STXBP5L: variants seen among roughly 807,000 people sequenced by gnomAD.
STXBP5L encodes syntaxin binding protein 5L, also known as syntaxin-binding protein 5-like.
STXBP5L carries 65 observed loss-of-function variants against 144.5 expected under a neutral mutation model. That is an observed-to-expected ratio of 0.45 (90% CI 0.37 to 0.55). The LOEUF (loss-of-function observed/expected upper bound fraction) is 0.55, where lower values mean the gene tolerates loss of function less well. Among genes scored for constraint, STXBP5L ranks in the 20% least tolerant of loss-of-function variants. The pLI is 0.00. For synonymous variants in STXBP5L, 505 were observed against 469.6 expected (o/e 1.08, Z -0.97); for missense variants, 1,298 against 1,405.5 (o/e 0.92, Z 1.22).
chr3:121,163,618 G>T (rs2046398683), intron 9 of STXBP5L, among the ~76,000 whole-genome samples: 1 of 151,226 alleles, frequency 6.6e-6, no homozygotes, highest in African/African-American at 2.4e-5. Context: ...ATAATTACAG[G>T]GTTTTTAAAA....
At chr3:120,933,754 G>A (rs1710095018) in intron 2 of STXBP5L, among the ~76,000 whole-genome samples, 2 of 152,140 alleles carry the variant, frequency 1.3e-5, no homozygotes, top group Admixed American at 6.6e-5. Context: ...GCAGAGGAAA[G>A]AGTGATATGG....
At chr3:121,175,597 T>C (rs1185285875) in intron 9 of STXBP5L, among the ~76,000 whole-genome samples, 2 of 151,666 alleles carry the variant, frequency 1.3e-5, no homozygotes, top group Admixed American at 1.3e-4. Flanking sequence ...AAGTAAATAG[T>C]GGAGATGAAA....
chr3:121,262,339 T>C (rs916265597), intron 18 of STXBP5L, among the ~76,000 whole-genome samples: 3 of 152,182 alleles, frequency 2.0e-5, no homozygotes, highest in African/African-American at 7.2e-5. Flanking sequence ...CTCATCAAAA[T>C]ATCATCTGGG....
At chr3:121,015,162 A>G (rs767525792) in intron 3 of STXBP5L, among the ~76,000 whole-genome samples, 3 of 152,108 alleles carry the variant, frequency 2.0e-5, no homozygotes, top group Non-Finnish European at 4.4e-5. Context: ...TTTTTGGTAA[A>G]TATTGACAAG....
intron 20 of STXBP5L, among the ~76,000 whole-genome samples, chr3:121,349,410 G>C (rs1348788880): frequency 6.7e-5 from 10 of 148,936 alleles, no homozygotes; most frequent in Non-Finnish European, 1.5e-4. Flanking sequence ...GGTGTGGTGT[G>C]GTGCTGAGAA....
chr3:120,914,788 AT>A (rs1709024185), intron 2 of STXBP5L, among the ~76,000 whole-genome samples: 2 of 152,182 alleles, frequency 1.3e-5, no homozygotes, highest in South Asian at 4.1e-4. Context: ...ATCTTTAAGA[AT>A]GGTAATGGAG....
chr3:121,355,802 G>T (rs937302877), intron 20 of STXBP5L, among the ~76,000 whole-genome samples: 7 of 152,158 alleles, frequency 4.6e-5, no homozygotes, highest in Middle Eastern at 3.2e-3. Flanking sequence ...TTTCTGCTCT[G>T]GTTTCTCTTC....
intron 11 of STXBP5L, among the ~76,000 whole-genome samples, chr3:121,233,341 C>A (rs1319787116): frequency 2.0e-5 from 3 of 152,076 alleles, no homozygotes; most frequent in Admixed American, 6.6e-5. Context: ...TCACTGTCTT[C>A]ACATAATCCA....
intron 5 of STXBP5L, among the ~76,000 whole-genome samples, chr3:121,076,566 T>C (rs1455409927): frequency 1.3e-5 from 2 of 152,088 alleles, no homozygotes; most frequent in Non-Finnish European, 2.9e-5. Flanking sequence ...CAGGAGTCGA[T>C]ATGTGGAAAC....
intron 19 of STXBP5L, among the ~76,000 whole-genome samples, chr3:121,297,401 C>G (rs567850653): frequency 5.5e-4 from 83 of 152,174 alleles, no homozygotes; most frequent in Middle Eastern, 3.4e-3. Flanking sequence ...GAAGCAGATC[C>G]ATAGAGACCC....
intron 3 of STXBP5L, among the ~76,000 whole-genome samples, chr3:120,995,585 C>T (rs1211047901): frequency 6.6e-6 from 1 of 151,674 alleles, no homozygotes; most frequent in African/African-American, 2.4e-5. Flanking sequence ...AATGATTTCT[C>T]TCGGTAGTAC....
intron 2 of STXBP5L, among the ~76,000 whole-genome samples, chr3:120,943,832 T>G (rs1000151088): frequency 6.6e-6 from 1 of 151,474 alleles, no homozygotes; most frequent in East Asian, 1.9e-4. Context: ...TCTTCTTTTT[T>G]TTTTTTAAAC....
chr3:120,927,151 G>A (rs898470322), intron 2 of STXBP5L, among the ~76,000 whole-genome samples: 4 of 151,968 alleles, frequency 2.6e-5, no homozygotes, highest in African/African-American at 7.2e-5. Context: ...TAACCAGGAC[G>A]GTCTCAATCT....
rs145258160 is a variant in STXBP5L at position 121,013,902 on chromosome 3, C to A, written c.288-27798C>A. ...CATTTATTGAATTAGGATATCCTTT[C>A]CCTGTTGTTTATTTTTGTCAACTTT... On this transcript the variant is annotated intron_variant, in intron 3 of 26. Coordinates refer to ENST00000471454, the MANE Select transcript of STXBP5L (RefSeq NM_001308330.2). Among the ~76,000 whole-genome samples, 462 of 152,038 alleles carry A rather than the reference C, an allele frequency of 3.0e-3. 3 individuals carry two copies. The highest frequency in any genetic ancestry group is 0.01 in the African/African-American group (431 of 41,510).
rs527917227 is a variant in STXBP5L at position 121,366,966 on chromosome 3, T to A, written c.2177-11750T>A. On this transcript the variant is annotated intron_variant, in intron 20 of 26. Transcript: ENST00000471454. ...GCTTACATTTAATATCCTAAAGTTA[T>A]AACACTAAGATTTGAATTGATACCA... Among the ~76,000 whole-genome samples the A allele has an allele frequency of 2.0e-5, 3 of 152,320 alleles. No homozygotes were observed. In the East Asian group the frequency reaches 5.8e-4, roughly 29 times the overall value.
At chr3:121,191,078 T>G (rs1441809515) in intron 9 of STXBP5L, among the ~76,000 whole-genome samples, 2 of 151,094 alleles carry the variant, frequency 1.3e-5, no homozygotes, top group Non-Finnish European at 2.9e-5. Flanking sequence ...GCAGAGGGGC[T>G]CCTCACATCC....
intron 20 of STXBP5L, among the ~76,000 whole-genome samples, chr3:121,342,671 T>G (rs2044764447): frequency 6.6e-6 from 1 of 151,792 alleles, no homozygotes; most frequent in South Asian, 2.1e-4. Context: ...ACAAAGGACA[T>G]GAACTCATCA....
chr3:121,194,909 CTTTTTTTTTTTTT>C (rs10717806), intron 9 of STXBP5L, among the ~76,000 whole-genome samples: 1 of 68,480 alleles, frequency 1.5e-5, no homozygotes, highest in Non-Finnish European at 2.5e-5. Context: ...TCTTTTCACT[CTTTTTTTTTTTTT>C]TTTTTTTTTT....
At chr3:121,178,224 G>A (rs1313871429) in intron 9 of STXBP5L, among the ~76,000 whole-genome samples, 1 of 152,154 alleles carries the variant, frequency 6.6e-6, no homozygotes, top group Non-Finnish European at 1.5e-5. Flanking sequence ...ACAACAATGT[G>A]AATCTACTTA....
Sources: allele counts gnomAD v4.1 joint callset (sites outside exome capture counted in the v4.1 genomes callset), GRCh38; gene constraint gnomAD v4.1.1; transcripts MANE v1.5; gene names NCBI Gene and HGNC (gene_info 2026-07-23, HGNC 2026-07-21).